DGKH: variants seen among roughly 807,000 people sequenced by gnomAD.
DGKH encodes diacylglycerol kinase eta.
DGKH carries 90 observed loss-of-function variants against 159.3 expected under a neutral mutation model. The observed-to-expected ratio is 0.57, with a 90% CI of 0.48 to 0.67. DGKH has a LOEUF of 0.67. DGKH is among the 30% of genes least tolerant of loss of function. The pLI is 0.00. For missense variants in DGKH, 1,181 were observed against 1,506.1 expected (o/e 0.78, Z 3.57); for synonymous variants, 536 against 553.8 (o/e 0.97, Z 0.45).
At chr13:42,243,195 C>T (rs1318017942), downstream of DGKH, among the ~76,000 whole-genome samples, 1 of 152,214 alleles carries the variant, frequency 6.6e-6, no homozygotes, top group Non-Finnish European at 1.5e-5. Context: ...CCCTCACACA[C>T]TTCTTAACCC....
chr13:42,084,182 A>T (rs911255196), intron 1 of DGKH, among the ~76,000 whole-genome samples: 1 of 152,220 alleles, frequency 6.6e-6, no homozygotes, highest in African/African-American at 2.4e-5. Flanking sequence ...TTATACATAT[A>T]TGTCTTGCAT....
rs1194039971 is a variant in DGKH, at chr13:42,242,492, T to C, written c.*13304T>C. On this transcript the variant is annotated 3_prime_UTR_variant, in exon 30 of 30. Transcript: ENST00000337343. The stretch of plus-strand genomic sequence containing the variant: ...TTATAACTTTGGCTCTAATTACTTT[T>C]AGTAATGGTAAGACAACGTGAGTTT... 6.6e-6 allele frequency: 1 copy of C among 152,246 alleles called. No homozygotes were observed. The highest frequency in any genetic ancestry group is 1.5e-5 in the Non-Finnish European group (1 of 68,036). 9.4% of individuals were successfully genotyped at this position (152,246 alleles called of 1,614,324 possible).
intron 1 of DGKH, among the ~76,000 whole-genome samples, chr13:42,114,796 G>T (rs1227263166): frequency 6.6e-6 from 1 of 152,114 alleles, no homozygotes; most frequent in East Asian, 1.9e-4. Flanking sequence ...TTAAATTAGG[G>T]TTTTGTGCAA....
intron 7 of DGKH, among the ~76,000 whole-genome samples, chr13:42,164,427 C>G (rs186315041): frequency 3.6e-4 from 55 of 152,282 alleles, no homozygotes; most frequent in Non-Finnish European, 6.0e-4. Flanking sequence ...TGTCTAAAAA[C>G]AGGTCTTCAC....
At chr13:42,068,743 G>A (rs1421528807) in intron 1 of DGKH, among the ~76,000 whole-genome samples, 1 of 152,082 alleles carries the variant, frequency 6.6e-6, no homozygotes, top group Non-Finnish European at 1.5e-5. Flanking sequence ...TTTTGCAAAT[G>A]ACATGTCAGT....
At chr13:42,046,464 T>A (rs1184409993), upstream of DGKH, among the ~76,000 whole-genome samples, 1 of 152,216 alleles carries the variant, frequency 6.6e-6, no homozygotes, top group Non-Finnish European at 1.5e-5. Flanking sequence ...TGAAACTGGC[T>A]CTTCAGAAGA....
chr13:42,189,388 A>G, intron 15 of DGKH, 79 bp downstream of exon 15: 1 of 1,559,774 alleles, frequency 6.4e-7, no homozygotes, highest in Non-Finnish European at 8.7e-7. Context: ...CATAGTGGTC[A>G]GATTGGACAC....
intron 1 of DGKH, chr13:42,066,800 G>C (rs570502418): frequency 6.6e-6 from 1 of 152,120 alleles, no homozygotes; most frequent in South Asian, 2.1e-4. Context: ...GTGCTGTCTG[G>C]TTTTTTCCTA....
rs376805095 is a variant in DGKH at position 42,061,356 on chromosome 13, C to G, written c.192+12391C>G. On this transcript the variant is annotated intron_variant, in intron 1 of 29. Coordinates refer to ENST00000337343, the MANE Select transcript of DGKH (RefSeq NM_178009.5). ...AGTCCTTAGTTCCTGCAGGCATTCACCTATGCAAGCTCCCAGCTTGTAGGC... is the reference window on the plus strand; with the variant it reads ...AGTCCTTAGTTCCTGCAGGCATTCAGCTATGCAAGCTCCCAGCTTGTAGGC... Among the ~76,000 whole-genome samples the G allele has an allele frequency of 2.6e-5, 4 of 152,280 alleles. No homozygotes were observed. In the East Asian group the frequency reaches 7.7e-4, roughly 29 times the overall value.
At chr13:42,161,111 G>A (rs1223848510) in intron 7 of DGKH, among the ~76,000 whole-genome samples, 1 of 152,090 alleles carries the variant, frequency 6.6e-6, no homozygotes, top group African/African-American at 2.4e-5. Context: ...TATATAGACT[G>A]TAACAGGTGT....
chr13:42,190,617 T>G (rs1957041977), intron 16 of DGKH, 92 bp downstream of exon 16: 2 of 1,291,634 alleles, frequency 1.5e-6, no homozygotes, highest in East Asian at 5.4e-5. Context: ...AAAAAAACTA[T>G]TTGTATTTTT....
At chr13:42,101,741 G>C (rs1257277016) in intron 1 of DGKH, among the ~76,000 whole-genome samples, 4 of 151,670 alleles carry the variant, frequency 2.6e-5, no homozygotes, top group Admixed American at 6.6e-5. Context: ...TAACGTCCAA[G>C]TTAAAAGAGG....
At chr13:42,068,270 A>C (rs980576001) in intron 1 of DGKH, among the ~76,000 whole-genome samples, 1 of 152,228 alleles carries the variant, frequency 6.6e-6, no homozygotes, top group Non-Finnish European at 1.5e-5. Flanking sequence ...ATTTGCTAAA[A>C]TAAATAAGAT....
rs1957630136 is a variant in DGKH, at chr13:42,210,614, A to G, written c.2863A>G (p.Thr955Ala). 3 of 1,611,894 alleles carry G rather than the reference A, an allele frequency of 1.9e-6. No individual in the cohort carries two copies. The highest frequency in any genetic ancestry group is 2.5e-6 in the Non-Finnish European group (3 of 1,179,876). The change falls in exon 24 of 30, where the codon ACT becomes GCT. Residue 955 changes from threonine to alanine, a missense_variant. Around this residue, in one of 5 missense-constraint regions of DGKH, gnomAD observed 335 missense variants for 495.2 expected, o/e 0.68. Coordinates refer to ENST00000337343, the MANE Select transcript of DGKH (RefSeq NM_178009.5). ...TGACTTTAAATAGGCCTTTGAGAGC[A>G]CTCTGAAATCTTGGGAAGATAAGCA... is the stretch of plus-strand genomic sequence containing the variant. ...MLTRDRAFES[T>A]LKSWEDKQKC...
intron 1 of DGKH, among the ~76,000 whole-genome samples, chr13:42,087,460 T>C (rs908085499): frequency 1.3e-5 from 2 of 151,778 alleles, no homozygotes; most frequent in African/African-American, 2.4e-5. Flanking sequence ...ATGTAACCAA[T>C]AGAAAAGGGG....
At chr13:42,126,874 A>G (rs997025916) in intron 1 of DGKH, among the ~76,000 whole-genome samples, 2 of 152,184 alleles carry the variant, frequency 1.3e-5, no homozygotes, top group Non-Finnish European at 2.9e-5. Context: ...AGTACTGTGT[A>G]TATGTTAGAA....
At chr13:42,253,988 G>T (rs1308872903) in intron 30 of DGKH, among the ~76,000 whole-genome samples, 3 of 141,868 alleles carry the variant, frequency 2.1e-5, no homozygotes, top group Non-Finnish European at 4.5e-5. Context: ...TTGGGAGTGG[G>T]TTACCAAAAA....
At chr13:42,187,564 C>T (rs1307555485) in intron 14 of DGKH, among the ~76,000 whole-genome samples, 7 of 152,060 alleles carry the variant, frequency 4.6e-5, no homozygotes, top group Non-Finnish European at 7.4e-5. Flanking sequence ...CTAGTAGAGA[C>T]GGGGTTTCAC....
At chr13:42,168,976 TGGAGAACAG>T (rs1234012964) in intron 11 of DGKH, among the ~76,000 whole-genome samples, 158 bp downstream of exon 11, 5 of 152,164 alleles carry the variant, frequency 3.3e-5, no homozygotes, top group Admixed American at 2.6e-4. Flanking sequence ...ATCCCTGAGA[TGGAGAACAG>T]GGCCTATCAC....
Sources: allele counts gnomAD v4.1 joint callset (sites outside exome capture counted in the v4.1 genomes callset), GRCh38; gene constraint gnomAD v4.1.1; regional missense constraint gnomAD v4.1.1; transcripts MANE v1.5; gene names NCBI Gene and HGNC (gene_info 2026-07-23, HGNC 2026-07-21).